The following AUTS2 variants were observed in gnomAD, a reference collection of about 807,000 sequenced individuals.
The protein encoded by AUTS2 is autism susceptibility gene 2 protein.
AUTS2 carries 17 observed loss-of-function variants against 112.4 expected under a neutral mutation model. The ratio of observed to expected loss-of-function variants is 0.15; its 90% CI spans 0.10 to 0.23. AUTS2 has a LOEUF of 0.23. Ranked by LOEUF, AUTS2 falls within the 10% of genes least tolerant of loss-of-function variation. AUTS2 has a pLI of 1.00. For missense variants in AUTS2, 1,510 were observed against 1,701.6 expected (o/e 0.89, Z 1.98); for synonymous variants, 751 against 702.7 (o/e 1.07, Z -1.09).
At chr7:70,553,914 C>T (rs960462101) in intron 5 of AUTS2, among the ~76,000 whole-genome samples, 27 of 145,662 alleles carry the variant, frequency 1.9e-4, no homozygotes, top group Admixed American at 1.6e-3. Flanking sequence ...ATTACAGGCA[C>T]GCGCCACCAC....
chr7:70,433,422 C>T (rs2130842157), intron 4 of AUTS2, among the ~76,000 whole-genome samples: 1 of 152,292 alleles, frequency 6.6e-6, no homozygotes, highest in African/African-American at 2.4e-5. Flanking sequence ...TGAGCGTTGT[C>T]ACTCTTGAAA....
At chr7:70,723,059 G>A (rs1431568837) in intron 6 of AUTS2, among the ~76,000 whole-genome samples, 1 of 152,196 alleles carries the variant, frequency 6.6e-6, no homozygotes, top group Non-Finnish European at 1.5e-5. Context: ...GATGTGGAAA[G>A]TGACGAGTCG....
intron 4 of AUTS2, among the ~76,000 whole-genome samples, chr7:70,262,943 T>G (rs1347095902): frequency 2.0e-5 from 3 of 152,214 alleles, no homozygotes; most frequent in Non-Finnish European, 4.4e-5. Context: ...ATTTATCAGA[T>G]TTATCAAATT....
At chr7:70,034,836 T>A (rs918615032) in intron 2 of AUTS2, among the ~76,000 whole-genome samples, 32 of 152,154 alleles carry the variant, frequency 2.1e-4, no homozygotes, top group African/African-American at 6.5e-4. Context: ...TCTAATTTTT[T>A]AAAAATTACT....
rs549132861 is a variant in AUTS2 at position 70,090,818 on chromosome 7, A to G, written c.523-27314A>G. Among the ~76,000 whole-genome samples, 4 of 151,790 alleles carry G rather than the reference A, an allele frequency of 2.6e-5. No individual in the cohort carries two copies. In the East Asian group the frequency reaches 7.7e-4, roughly 29 times the overall value. ...CTCAGCCTCCTGAGCAGCTGGGACTACAGATGTGCACCACCATGCCCGGCT... is the reference window on the plus strand; with the variant it reads ...CTCAGCCTCCTGAGCAGCTGGGACTGCAGATGTGCACCACCATGCCCGGCT... On this transcript the variant is annotated intron_variant, in intron 2 of 18. Coordinates refer to ENST00000342771, the MANE Select transcript of AUTS2 (RefSeq NM_015570.4).
At chr7:69,971,379 T>A (rs1244463065) in intron 2 of AUTS2, among the ~76,000 whole-genome samples, 1 of 152,188 alleles carries the variant, frequency 6.6e-6, no homozygotes, top group Non-Finnish European at 1.5e-5. Flanking sequence ...CAGTTAAACT[T>A]CTTATTTTGA....
intron 4 of AUTS2, among the ~76,000 whole-genome samples, chr7:70,322,417 A>G (rs1790296205): frequency 6.6e-6 from 1 of 152,150 alleles, no homozygotes; most frequent in African/African-American, 2.4e-5. Context: ...AAGCCCTTGG[A>G]TGTTATACCA....
chr7:70,526,564 C>T (rs563047907), intron 5 of AUTS2, among the ~76,000 whole-genome samples: 1 of 152,202 alleles, frequency 6.6e-6, no homozygotes, highest in Non-Finnish European at 1.5e-5. Context: ...CCCAGCTACT[C>T]TGGAGGCTGA....
intron 1 of AUTS2, among the ~76,000 whole-genome samples, chr7:69,633,273 T>A (rs923598450): frequency 5.9e-5 from 9 of 152,114 alleles, no homozygotes; most frequent in African/African-American, 2.2e-4. Flanking sequence ...AAGATTGAGT[T>A]TTTTTAAGGG....
At chr7:69,827,702 A>G (rs748054252) in intron 1 of AUTS2, among the ~76,000 whole-genome samples, 10 of 152,198 alleles carry the variant, frequency 6.6e-5, no homozygotes, top group Admixed American at 2.6e-4. Flanking sequence ...TTTGGTTGGC[A>G]TCAGAAGGGG....
chr7:69,900,709 G>A (rs569270097), intron 2 of AUTS2, among the ~76,000 whole-genome samples: 5 of 152,118 alleles, frequency 3.3e-5, no homozygotes, highest in African/African-American at 9.7e-5. Context: ...TGCCTTATAC[G>A]TAGTGAAGCA....
chr7:69,691,312 C>T (rs12666141), intron 1 of AUTS2, among the ~76,000 whole-genome samples: 13 of 152,248 alleles, frequency 8.5e-5, no homozygotes, highest in Middle Eastern at 3.4e-3. Flanking sequence ...TACCCCTTTC[C>T]GCCCAGGAAC....
chr7:70,176,888 T>A (rs1458147873), intron 4 of AUTS2, among the ~76,000 whole-genome samples: 1 of 152,222 alleles, frequency 6.6e-6, no homozygotes, highest in Non-Finnish European at 1.5e-5. Flanking sequence ...GATCATACCC[T>A]GGAAGTTGTG....
At chr7:70,042,688 G>A (rs983381829) in intron 2 of AUTS2, among the ~76,000 whole-genome samples, 6 of 152,166 alleles carry the variant, frequency 3.9e-5, no homozygotes, top group African/African-American at 7.2e-5. Flanking sequence ...TTCTTCGGGA[G>A]AATCTGTTTT....
At chr7:70,550,162 C>G (rs1208065724) in intron 5 of AUTS2, among the ~76,000 whole-genome samples, 2 of 152,160 alleles carry the variant, frequency 1.3e-5, no homozygotes, top group African/African-American at 4.8e-5. Context: ...TTTAAAAGCA[C>G]CACTGGTAGG....
At chr7:69,821,398 C>T (rs905540735) in intron 1 of AUTS2, among the ~76,000 whole-genome samples, 4 of 150,090 alleles carry the variant, frequency 2.7e-5, no homozygotes, top group African/African-American at 9.7e-5. Context: ...CCAATCGGCA[C>T]TCTGTAAAAT....
At chr7:70,053,422 T>G (rs549480330) in intron 2 of AUTS2, among the ~76,000 whole-genome samples, 1 of 152,288 alleles carries the variant, frequency 6.6e-6, no homozygotes, top group South Asian at 2.1e-4. Context: ...GGCACCAAAG[T>G]GAATAATAAT....
rs1344116836 is a variant in AUTS2, at chr7:69,598,638, C to T, written c.-1016C>T. 5.8e-6 allele frequency: 1 copy of T among 171,352 alleles called. No homozygotes were observed. The highest frequency in any genetic ancestry group is 1.0e-4 in the South Asian group (1 of 9,526). The allele number at this position is 171,352 out of a possible 1,614,324, so 10.6% of individuals were successfully genotyped here. ...TCAGGCGGGGCGGCGAGAGAAGCGG[C>T]GGCGGCGGCGGCGGCACACCGGTGT... On this transcript the variant is annotated 5_prime_UTR_variant, in exon 1 of 19. Coordinates refer to ENST00000342771, the MANE Select transcript of AUTS2 (RefSeq NM_015570.4).
intron 5 of AUTS2, among the ~76,000 whole-genome samples, chr7:70,613,886 T>C (rs1186515009): frequency 1.3e-5 from 2 of 152,356 alleles, no homozygotes; most frequent in East Asian, 1.9e-4. Context: ...TTCATCAACA[T>C]GCATTCACAT....
Sources: gnomAD v4.1 joint callset for allele counts (sites outside exome capture counted in the v4.1 genomes callset) on GRCh38, gnomAD v4.1.1 for gene constraint, MANE v1.5 for transcripts, NCBI Gene and HGNC (gene_info 2026-07-23, HGNC 2026-07-21) for gene names.